TENM4: variants seen among roughly 807,000 people sequenced by gnomAD.
The protein encoded by TENM4 is teneurin transmembrane protein 4, also known as teneurin-4.
TENM4 carries 82 observed loss-of-function variants against 243.3 expected under a neutral mutation model. That is an observed-to-expected ratio of 0.34 (90% CI 0.28 to 0.40). The LOEUF (loss-of-function observed/expected upper bound fraction) is 0.40. Ranked by LOEUF, TENM4 falls within the 10% of genes least tolerant of loss-of-function variation. The pLI is 1.00. For synonymous variants in TENM4, 1,412 were observed against 1,456.3 expected, an observed-to-expected ratio of 0.97 and a Z score of 0.69; for missense variants, 3,138 against 3,673.3, an observed-to-expected ratio of 0.85 and a Z score of 3.77.
intron 1 of TENM4, among the ~76,000 whole-genome samples, chr11:79,298,446 C>T (rs1030348722): frequency 4.3e-5 from 6 of 137,958 alleles, no homozygotes; most frequent in South Asian, 2.5e-4. Context: ...ACCCGGGAAG[C>T]GGAGCTTGCA....
chr11:78,808,358 A>AACAATCAACATTAACTTATTCCCTCTTC (rs1361117711), intron 14 of TENM4, among the ~76,000 whole-genome samples: 1 of 152,222 alleles, frequency 6.6e-6, no homozygotes, highest in African/African-American at 2.4e-5. Context: ...TGATCACAAT[A>AACAATCAACATTAACTTATTCCCTCTTC]ACAATCAACA....
chr11:78,869,124 A>T (rs1408755664), intron 9 of TENM4, among the ~76,000 whole-genome samples: 1 of 152,224 alleles, frequency 6.6e-6, no homozygotes, highest in East Asian at 1.9e-4. Flanking sequence ...TGTACACGGC[A>T]GGATAACAGA....
chr11:79,360,208 C>T (rs961462433), intron 1 of TENM4, among the ~76,000 whole-genome samples: 2 of 152,206 alleles, frequency 1.3e-5, no homozygotes, highest in Admixed American at 6.5e-5. Context: ...TACATATTCT[C>T]ATTTCCAAAT....
At chr11:79,198,204 A>T (rs1863672056) in intron 3 of TENM4, among the ~76,000 whole-genome samples, 1 of 152,218 alleles carries the variant, frequency 6.6e-6, no homozygotes, top group African/African-American at 2.4e-5. Context: ...CTCCTTGATT[A>T]GGCCGCCACT....
At chr11:79,368,022 G>T (rs1857709413) in intron 1 of TENM4, among the ~76,000 whole-genome samples, 1 of 152,138 alleles carries the variant, frequency 6.6e-6, no homozygotes, top group Non-Finnish European at 1.5e-5. Context: ...AACCAGCATG[G>T]GGTTGAAAGA....
At chr11:78,725,118 A>G (rs528780601) in intron 23 of TENM4, among the ~76,000 whole-genome samples, 2 of 152,236 alleles carry the variant, frequency 1.3e-5, no homozygotes, top group African/African-American at 4.8e-5. Flanking sequence ...AATGCGTTCT[A>G]TTCCACGGAA....
chr11:79,033,475 T>C (rs1487582167), intron 6 of TENM4, among the ~76,000 whole-genome samples: 3 of 152,196 alleles, frequency 2.0e-5, no homozygotes, highest in Admixed American at 6.5e-5. Flanking sequence ...CTCCCAACAA[T>C]GCGGTGAACA....
intron 1 of TENM4, among the ~76,000 whole-genome samples, chr11:79,300,423 A>T (rs564717408): frequency 1.3e-5 from 2 of 152,174 alleles, no homozygotes; most frequent in South Asian, 4.1e-4. Context: ...ATTATTTCTA[A>T]TTTTTCACTA....
At chr11:78,929,151 A>G (rs1317016752) in intron 6 of TENM4, among the ~76,000 whole-genome samples, 2 of 152,172 alleles carry the variant, frequency 1.3e-5, no homozygotes, top group African/African-American at 2.4e-5. Context: ...CCATTTGCCT[A>G]TAAATCTGGA....
At position 79,321,726 on chromosome 11, in the gene TENM4, C is replaced by T. The variant is rs542593172; in HGVS notation, c.-320-24183G>A. The stretch of plus-strand genomic sequence containing the variant: ...AGAATTTCACGGAGCTTGTTGACAT[C>T]TCAAAGCATAACAAAGATGGAAATG... On this transcript the variant is annotated intron_variant, in intron 1 of 33. Coordinates refer to ENST00000278550, the MANE Select transcript of TENM4 (RefSeq NM_001098816.3). Among the ~76,000 whole-genome samples the T allele has an allele frequency of 2.7e-5, 4 of 150,330 alleles. 1 individual carries two copies. The East Asian group carries it at 7.9e-4, about 30-fold the overall frequency.
chr11:79,263,241 G>A (rs998319098), intron 2 of TENM4, among the ~76,000 whole-genome samples: 12 of 152,210 alleles, frequency 7.9e-5, no homozygotes, highest in South Asian at 2.1e-4. Flanking sequence ...TGCTCTGGCC[G>A]TCTGACTCCT....
intron 1 of TENM4, among the ~76,000 whole-genome samples, chr11:79,415,256 GA>G (rs950441084): frequency 1.4e-4 from 22 of 152,282 alleles, no homozygotes; most frequent in Admixed American, 7.8e-4. Flanking sequence ...CAACCAAAAA[GA>G]ACAAACTGTT....
intron 18 of TENM4, among the ~76,000 whole-genome samples, chr11:78,764,537 T>A (rs968076663): frequency 3.3e-5 from 5 of 152,232 alleles, no homozygotes; most frequent in African/African-American, 9.6e-5. Flanking sequence ...TGCATTTTTT[T>A]ATGTAAGAAT....
chr11:79,399,331 T>C (rs1353260277), intron 1 of TENM4, among the ~76,000 whole-genome samples: 1 of 152,226 alleles, frequency 6.6e-6, no homozygotes, highest in Non-Finnish European at 1.5e-5. Context: ...TTCCCATATT[T>C]ACATGGGTAT....
chr11:79,162,635 T>A (rs1294083830), intron 3 of TENM4, among the ~76,000 whole-genome samples: 1 of 152,120 alleles, frequency 6.6e-6, no homozygotes, highest in African/African-American at 2.4e-5. Flanking sequence ...GGAAACTAGG[T>A]CTGAGAGAGA....
At chr11:78,941,614 G>T (rs933551161) in intron 6 of TENM4, among the ~76,000 whole-genome samples, 15 of 152,174 alleles carry the variant, frequency 9.9e-5, no homozygotes, top group Non-Finnish European at 1.5e-4. Context: ...GGTTGGGGGG[G>T]TGTCCCACAA....
intron 19 of TENM4, among the ~76,000 whole-genome samples, chr11:78,740,234 A>T (rs1002332987): frequency 1.3e-5 from 2 of 152,178 alleles, no homozygotes; most frequent in Admixed American, 1.3e-4. Context: ...CTAGAGTGAT[A>T]AACTTTTCTC....
chr11:79,014,819 A>C (rs1858732014), intron 6 of TENM4: 2 of 152,234 alleles, frequency 1.3e-5, no homozygotes, highest in African/African-American at 4.8e-5. Context: ...AGCCTTGGCC[A>C]GGGGCGGTGA....
rs1162244466 is a variant in TENM4 at position 78,989,537 on chromosome 11, T to C, written c.493+75201A>G. Among the ~76,000 whole-genome samples the C allele has an allele frequency of 2.6e-5, 4 of 152,232 alleles. No homozygotes were observed. In the East Asian group the frequency reaches 7.7e-4, roughly 29 times the overall value. On this transcript the variant is annotated intron_variant, in intron 6 of 33. Transcript: ENST00000278550. ...ATCTTCTGAGAACATGAAGAACAAG[T>C]GTTAAGAACTCTCTTTAGAGAAATC...
Sources: allele counts gnomAD v4.1 joint callset (sites outside exome capture counted in the v4.1 genomes callset), GRCh38; gene constraint gnomAD v4.1.1; transcripts MANE v1.5; gene names NCBI Gene and HGNC (gene_info 2026-07-23, HGNC 2026-07-21).